The following PTPRN2 variants were observed in gnomAD, a reference collection of about 807,000 sequenced individuals.
The protein encoded by PTPRN2 is protein tyrosine phosphatase receptor type N2.
In PTPRN2, 74 loss-of-function variants were observed where a neutral mutation model predicts 118.8. The ratio of observed to expected loss-of-function variants is 0.62; its 90% CI spans 0.52 to 0.76. The LOEUF (loss-of-function observed/expected upper bound fraction) is 0.76. Ranked by LOEUF, PTPRN2 falls within the 30% of genes least tolerant of loss-of-function variation. The pLI is 0.00. For missense variants in PTPRN2, 1,481 were observed against 1,394.4 expected (o/e 1.06, Z -0.99); for synonymous variants, 641 against 608.0 (o/e 1.05, Z -0.80).
chr7:157,991,694 G>T (rs1471446639), intron 11 of PTPRN2, among the ~76,000 whole-genome samples: 1 of 152,234 alleles, frequency 6.6e-6, no homozygotes, highest in South Asian at 2.1e-4. Flanking sequence ...GGTGAGAGCT[G>T]CACGGGGCTG....
chr7:158,495,021 G>C (rs1821728104), intron 1 of PTPRN2, among the ~76,000 whole-genome samples: 1 of 151,988 alleles, frequency 6.6e-6, no homozygotes, highest in African/African-American at 2.4e-5. Flanking sequence ...TCTTTGTCCT[G>C]TCCCCCTCTA....
intron 1 of PTPRN2, among the ~76,000 whole-genome samples, chr7:158,580,204 T>C (rs1828550447): frequency 6.6e-6 from 1 of 152,224 alleles, no homozygotes; most frequent in Non-Finnish European, 1.5e-5. Context: ...AATGTACACA[T>C]TGTGGGGTCA....
chr7:157,911,577 G>A (rs936941006), intron 11 of PTPRN2, among the ~76,000 whole-genome samples: 1 of 152,014 alleles, frequency 6.6e-6, no homozygotes, highest in African/African-American at 2.4e-5. Context: ...TTAAATATTA[G>A]GAAGATACCA....
At chr7:158,524,956 C>T (rs1824657206) in intron 1 of PTPRN2, among the ~76,000 whole-genome samples, 1 of 152,178 alleles carries the variant, frequency 6.6e-6, no homozygotes, top group African/African-American at 2.4e-5. Context: ...ACTGGGGGCT[C>T]CTCCAGCACA....
At chr7:158,569,622 G>A (rs1199756871) in intron 1 of PTPRN2, among the ~76,000 whole-genome samples, 1 of 152,106 alleles carries the variant, frequency 6.6e-6, no homozygotes, top group Non-Finnish European at 1.5e-5. Context: ...ACAGGAGCGC[G>A]GGGCACAAGG....
chr7:158,324,018 GAC>G (rs767168870), intron 2 of PTPRN2, among the ~76,000 whole-genome samples: 197 of 118,686 alleles, frequency 1.7e-3, no homozygotes, highest in Non-Finnish European at 2.8e-3. Flanking sequence ...TGATTATGCA[GAC>G]ACACACACAG....
intron 3 of PTPRN2, among the ~76,000 whole-genome samples, chr7:158,267,958 C>T (rs1797992765): frequency 6.6e-6 from 1 of 152,176 alleles, no homozygotes; most frequent in Non-Finnish European, 1.5e-5. Context: ...TTGACTCTTC[C>T]CAGCTTGCCA....
intron 3 of PTPRN2, among the ~76,000 whole-genome samples, chr7:158,220,380 A>G (rs975541050): frequency 6.6e-6 from 1 of 152,110 alleles, no homozygotes; most frequent in Non-Finnish European, 1.5e-5. Context: ...AAGTCAAATT[A>G]TCTCTCTTCA....
chr7:158,378,507 C>T (rs79303699), intron 2 of PTPRN2, among the ~76,000 whole-genome samples: 10,252 of 152,262 alleles, frequency 0.067, 436 homozygotes, highest in African/African-American at 0.099. Context: ...CTGTCCTCTC[C>T]CCACAGTGAG....
At chr7:157,952,976 G>A (rs143357273) in intron 11 of PTPRN2, among the ~76,000 whole-genome samples, 5 of 152,052 alleles carry the variant, frequency 3.3e-5, no homozygotes, top group East Asian at 3.9e-4. Context: ...TGAAGGGGAC[G>A]GCCTCCATTG....
At chr7:157,863,601 G>A (rs906942786) in intron 12 of PTPRN2, 3 of 152,334 alleles carry the variant, frequency 2.0e-5, no homozygotes, top group Non-Finnish European at 4.4e-5. Flanking sequence ...AAACTGCAGC[G>A]TGGTTCACTG....
intron 2 of PTPRN2, among the ~76,000 whole-genome samples, chr7:158,445,138 A>G (rs973473953): frequency 6.6e-6 from 1 of 152,296 alleles, no homozygotes; most frequent in Non-Finnish European, 1.5e-5. Context: ...TCCCAGCCTC[A>G]GGGCTTTGTC....
At chr7:158,327,399 ACACATGCTCACACATGTACACGTTCT>A (rs1803721441) in intron 2 of PTPRN2, among the ~76,000 whole-genome samples, 1 of 151,822 alleles carries the variant, frequency 6.6e-6, no homozygotes, top group African/African-American at 2.4e-5. Flanking sequence ...ACACATGCTC[ACACATGCTCACACATGTACACGTTCT>A]CACACACATT....
At chr7:157,885,483 C>A (rs1796401067) in intron 12 of PTPRN2, among the ~76,000 whole-genome samples, 1 of 152,174 alleles carries the variant, frequency 6.6e-6, no homozygotes, top group Non-Finnish European at 1.5e-5. Flanking sequence ...GAAGGGGATG[C>A]AGATGCACCC....
At chr7:158,202,592 G>A (rs1826725859) in intron 4 of PTPRN2, among the ~76,000 whole-genome samples, 1 of 152,186 alleles carries the variant, frequency 6.6e-6, no homozygotes, top group African/African-American at 2.4e-5. Flanking sequence ...GCCCATAGCA[G>A]GGCAGGGGAA....
chr7:157,952,183 C>T (rs1267445307), intron 11 of PTPRN2, among the ~76,000 whole-genome samples: 1 of 152,168 alleles, frequency 6.6e-6, no homozygotes, highest in Non-Finnish European at 1.5e-5. Flanking sequence ...CTGGGAGCCC[C>T]CCAGAGCCCC....
chr7:157,698,628 TAGC>T (rs1797925208), intron 12 of PTPRN2, among the ~76,000 whole-genome samples: 1 of 152,260 alleles, frequency 6.6e-6, no homozygotes, highest in African/African-American at 2.4e-5. Context: ...CCATTAAAAG[TAGC>T]ATTTTGAAAA....
chr7:157,545,665 G>C (rs559146714), intron 22 of PTPRN2, among the ~76,000 whole-genome samples: 16 of 152,070 alleles, frequency 1.1e-4, no homozygotes, highest in African/African-American at 3.9e-4. Context: ...GGTGGGCGCT[G>C]GTGAAACATT....
intron 11 of PTPRN2, among the ~76,000 whole-genome samples, chr7:158,057,889 C>T (rs1216261794): frequency 6.6e-6 from 1 of 152,220 alleles, no homozygotes; most frequent in African/African-American, 2.4e-5. Context: ...GAGTTAAAGT[C>T]CTCAGGTCTA....
Sources: gnomAD v4.1 joint callset for allele counts (sites outside exome capture counted in the v4.1 genomes callset) on GRCh38, gnomAD v4.1.1 for gene constraint, MANE v1.5 for transcripts, NCBI Gene and HGNC (gene_info 2026-07-23, HGNC 2026-07-21) for gene names.